AUTS2: variants seen among roughly 807,000 people sequenced by gnomAD.
AUTS2 encodes activator of transcription and developmental regulator AUTS2.
Under a neutral mutation model 112.4 loss-of-function variants are expected in AUTS2, and 17 were observed. The ratio of observed to expected loss-of-function variants is 0.15; its 90% CI spans 0.10 to 0.23. AUTS2 has a LOEUF of 0.23. Among genes scored for constraint, AUTS2 ranks in the 10% least tolerant of loss-of-function variants. AUTS2 has a pLI of 1.00. For synonymous variants in AUTS2, 751 were observed against 702.7 expected (o/e 1.07, Z -1.09); for missense variants, 1,510 against 1,701.6 (o/e 0.89, Z 1.98).
At chr7:70,349,796 CATA>C (rs1479469381) in intron 4 of AUTS2, among the ~76,000 whole-genome samples, 1 of 152,048 alleles carries the variant, frequency 6.6e-6, no homozygotes, top group Non-Finnish European at 1.5e-5. Flanking sequence ...CTGAAAGAAA[CATA>C]ATAGCAAAGA....
intron 5 of AUTS2, among the ~76,000 whole-genome samples, chr7:70,550,318 G>A (rs1800968242): frequency 6.6e-6 from 1 of 152,150 alleles, no homozygotes; most frequent in South Asian, 2.1e-4. Flanking sequence ...TGAAATTCTA[G>A]CATGTTAGTG....
intron 4 of AUTS2, among the ~76,000 whole-genome samples, chr7:70,303,902 G>A (rs1361138460): frequency 2.0e-5 from 3 of 152,064 alleles, no homozygotes; most frequent in Admixed American, 6.5e-5. Flanking sequence ...TATAGGAAGG[G>A]GAAGCATCAA....
At chr7:69,821,761 C>T (rs1296591067) in intron 1 of AUTS2, among the ~76,000 whole-genome samples, 1 of 151,750 alleles carries the variant, frequency 6.6e-6, no homozygotes, top group Admixed American at 6.6e-5. Context: ...TCAGTGAGAC[C>T]AAGAACCCAC....
chr7:69,638,582 TCA>T (rs1794657765), intron 1 of AUTS2, among the ~76,000 whole-genome samples: 1 of 152,260 alleles, frequency 6.6e-6, no homozygotes, highest in African/African-American at 2.4e-5. Context: ...GGAAATAGCC[TCA>T]GTTTTTGTTA....
At chr7:70,109,264 C>T (rs755184751) in intron 2 of AUTS2, among the ~76,000 whole-genome samples, 1 of 152,064 alleles carries the variant, frequency 6.6e-6, no homozygotes, top group Non-Finnish European at 1.5e-5. Flanking sequence ...TTTTAATAAT[C>T]AAAATCTTAT....
At chr7:69,747,092 C>T (rs1787528830) in intron 1 of AUTS2, among the ~76,000 whole-genome samples, 1 of 152,196 alleles carries the variant, frequency 6.6e-6, no homozygotes, top group Non-Finnish European at 1.5e-5. Context: ...GATTTGATGC[C>T]TCTTTAAAAC....
intron 1 of AUTS2, among the ~76,000 whole-genome samples, chr7:69,602,103 T>G (rs1386538354): frequency 2.0e-5 from 3 of 149,524 alleles, no homozygotes; most frequent in African/African-American, 7.4e-5. Flanking sequence ...TATATCTCAC[T>G]TATGCAGTTC....
chr7:70,598,869 TG>T (rs1004224054), intron 5 of AUTS2, among the ~76,000 whole-genome samples: 7 of 152,356 alleles, frequency 4.6e-5, no homozygotes, highest in African/African-American at 1.7e-4. Context: ...TTACAAGGTA[TG>T]GGACTCCCAG....
intron 1 of AUTS2, among the ~76,000 whole-genome samples, chr7:69,800,592 A>G (rs1426639035): frequency 6.6e-6 from 1 of 152,326 alleles, no homozygotes; most frequent in Admixed American, 6.5e-5. Context: ...TCCACTAGCC[A>G]TAGTTTATTG....
intron 4 of AUTS2, among the ~76,000 whole-genome samples, chr7:70,153,019 T>C (rs1807529688): frequency 6.6e-6 from 1 of 152,160 alleles, no homozygotes; most frequent in Non-Finnish European, 1.5e-5. Flanking sequence ...GATAATTTAT[T>C]AAAATGTTAT....
intron 5 of AUTS2, among the ~76,000 whole-genome samples, chr7:70,650,041 C>T (rs918762008): frequency 9.2e-5 from 14 of 152,188 alleles, no homozygotes; most frequent in East Asian, 3.9e-4. Context: ...TTTTGGGGCA[C>T]GGATTGGCTT....
intron 4 of AUTS2, among the ~76,000 whole-genome samples, chr7:70,252,301 T>A (rs1467679125): frequency 1.3e-5 from 2 of 152,232 alleles, no homozygotes; most frequent in East Asian, 3.9e-4. Context: ...TTACCTTTCA[T>A]CCTTTTGATA....
At chr7:70,706,183 G>T (rs1809728263) in intron 6 of AUTS2, among the ~76,000 whole-genome samples, 1 of 152,180 alleles carries the variant, frequency 6.6e-6, no homozygotes, top group African/African-American at 2.4e-5. Context: ...AAAGTCTTAT[G>T]TTAGGTGTCA....
chr7:70,009,236 C>T (rs1799684050), intron 2 of AUTS2, among the ~76,000 whole-genome samples: 1 of 152,138 alleles, frequency 6.6e-6, no homozygotes, highest in Non-Finnish European at 1.5e-5. Context: ...AACCCAACTC[C>T]AGTGTGAATG....
At chr7:70,642,409 T>C (rs1028523113) in intron 5 of AUTS2, among the ~76,000 whole-genome samples, 3 of 152,224 alleles carry the variant, frequency 2.0e-5, no homozygotes, top group Non-Finnish European at 2.9e-5. Context: ...TGCACAGATA[T>C]CATTTCACGT....
intron 4 of AUTS2, among the ~76,000 whole-genome samples, chr7:70,244,074 T>A (rs1302474096): frequency 1.3e-5 from 2 of 152,072 alleles, no homozygotes; most frequent in African/African-American, 4.8e-5. Context: ...TTTTATATAT[T>A]GTCATCTTTT....
At chr7:70,394,802 G>A (rs540577043) in intron 4 of AUTS2, among the ~76,000 whole-genome samples, 9 of 151,850 alleles carry the variant, frequency 5.9e-5, no homozygotes, top group East Asian at 3.9e-4. Flanking sequence ...TATTAGCCAC[G>A]TGTTGTGGCT....
chr7:70,174,263 A>G (rs575320713), intron 4 of AUTS2, among the ~76,000 whole-genome samples: 4 of 152,346 alleles, frequency 2.6e-5, no homozygotes, highest in African/African-American at 7.2e-5. Context: ...AACCTAATCC[A>G]TACAAGGCTC....
chr7:70,430,828 C>CTTTTTTTTTTTTTTTTTTTT, intron 4 of AUTS2, among the ~76,000 whole-genome samples: 1 of 94,498 alleles, frequency 1.1e-5, no homozygotes, highest in Non-Finnish European at 1.9e-5. Context: ...GCAGTGTCGC[C>CTTTTTTTTTTTTTTTTTTTT]TTTTTTTTTT....
Sources: gnomAD v4.1 joint callset for allele counts (sites outside exome capture counted in the v4.1 genomes callset) on GRCh38, gnomAD v4.1.1 for gene constraint, MANE v1.5 for transcripts, NCBI Gene and HGNC (gene_info 2026-07-23, HGNC 2026-07-21) for gene names.